Variants in KCNH7 observed in about 807,000 individuals in gnomAD.
The protein encoded by KCNH7 is voltage-gated inwardly rectifying potassium channel KCNH7.
Under a neutral mutation model 120.8 loss-of-function variants are expected in KCNH7, and 49 were observed. The ratio of observed to expected loss-of-function variants is 0.41; its 90% confidence interval spans 0.32 to 0.51. KCNH7 has a LOEUF of 0.51. Ranked by LOEUF, KCNH7 falls within the 20% of genes least tolerant of loss-of-function variation. KCNH7 has a pLI of 0.38. For missense variants in KCNH7, 1,097 were observed against 1,446.6 expected (o/e 0.76, Z 3.92); for synonymous variants, 547 against 516.1 (o/e 1.06, Z -0.81).
At chr2:162,495,920 A>G (rs557497983) in intron 6 of KCNH7, among the ~76,000 whole-genome samples, 5 of 152,300 alleles carry the variant, frequency 3.3e-5, no homozygotes, top group African/African-American at 9.6e-5. Context: ...TAGCAGGGAT[A>G]ACTATAGCCA....
intron 2 of KCNH7, among the ~76,000 whole-genome samples, chr2:162,818,511 G>A (rs1169603863): frequency 6.6e-6 from 1 of 152,038 alleles, no homozygotes; most frequent in Non-Finnish European, 1.5e-5. Context: ...AAAATGAGGT[G>A]CCTTGAGTCT....
At chr2:162,465,214 C>G (rs1467109560) in intron 6 of KCNH7, among the ~76,000 whole-genome samples, 1 of 152,122 alleles carries the variant, frequency 6.6e-6, no homozygotes, top group African/African-American at 2.4e-5. Flanking sequence ...CAAATTATCT[C>G]AAGTAGAAAA....
intron 6 of KCNH7, among the ~76,000 whole-genome samples, chr2:162,487,913 A>G (rs1172703543): frequency 1.3e-5 from 2 of 152,068 alleles, no homozygotes; most frequent in Non-Finnish European, 2.9e-5. Flanking sequence ...CTGCTACGGA[A>G]TTTTTCTGTG....
At chr2:162,519,159 A>C (rs546527895) in intron 3 of KCNH7, among the ~76,000 whole-genome samples, 1 of 151,918 alleles carries the variant, frequency 6.6e-6, no homozygotes, top group South Asian at 2.1e-4. Context: ...CTCTTTGGAA[A>C]GTCTTTGGAC....
Position 162,822,116 on chromosome 2 carries a change from C to T in KCNH7, c.307+14421G>A, listed in dbSNP as rs998994677. ...CCACAATAAAGCCCCTAAAATTTTA[C>T]ATTTTAAATTTTCAAAAACCGCTGC... On this transcript the variant is annotated intron_variant, in intron 2 of 15. Coordinates refer to ENST00000332142, the MANE Select transcript of KCNH7 (RefSeq NM_033272.4). Among the ~76,000 whole-genome samples, 50 of 147,576 alleles carry T rather than the reference C, an allele frequency of 3.4e-4. 5 individuals are homozygous for T. The highest frequency in any genetic ancestry group is 1.2e-3 in the African/African-American group (49 of 40,662).
intron 2 of KCNH7, among the ~76,000 whole-genome samples, chr2:162,820,101 G>A (rs1685059816): frequency 7.0e-6 from 1 of 142,218 alleles, no homozygotes; most frequent in South Asian, 2.3e-4. Flanking sequence ...GTGCAGTGGC[G>A]CTATCTCAGC....
intron 2 of KCNH7, among the ~76,000 whole-genome samples, chr2:162,756,685 G>T (rs1320069168): frequency 2.0e-5 from 3 of 152,028 alleles, no homozygotes; most frequent in African/African-American, 7.2e-5. Context: ...CTAGTCTAAA[G>T]CTCCTGGGCT....
intron 2 of KCNH7, among the ~76,000 whole-genome samples, chr2:162,806,937 G>A (rs1408453543): frequency 6.6e-6 from 1 of 151,808 alleles, no homozygotes; most frequent in African/African-American, 2.4e-5. Context: ...CATAATCTAT[G>A]CATTTAAACA....
At position 162,592,291 on chromosome 2, in the gene KCNH7, G is replaced by C. The variant is rs1420824531; in HGVS notation, c.308-55211C>G. Among the ~76,000 whole-genome samples the C allele has an allele frequency of 2.6e-5, 4 of 152,038 alleles. No individual in the cohort carries two copies. In the East Asian group the frequency reaches 7.7e-4, roughly 29 times the overall value. On this transcript the variant is annotated intron_variant, in intron 2 of 15. Coordinates refer to ENST00000332142, the MANE Select transcript of KCNH7 (RefSeq NM_033272.4). ...ATATTAAGGCAAGGAGGCTGATATGGTTGTAAGTATTTAATATATCGCCAA... is the reference window on the plus strand; with the variant it reads ...ATATTAAGGCAAGGAGGCTGATATGCTTGTAAGTATTTAATATATCGCCAA...
At chr2:162,435,869 A>C (rs973937564) in intron 7 of KCNH7, among the ~76,000 whole-genome samples, 6 of 152,122 alleles carry the variant, frequency 3.9e-5, no homozygotes, top group African/African-American at 1.4e-4. Flanking sequence ...AGTGCCTTGC[A>C]TAAGTCCTCA....
At chr2:162,774,510 A>G (rs1037065790) in intron 2 of KCNH7, among the ~76,000 whole-genome samples, 21 of 152,120 alleles carry the variant, frequency 1.4e-4, no homozygotes, top group African/African-American at 5.1e-4. Flanking sequence ...AGGGTGGGTA[A>G]CTGTAGGTTT....
intron 2 of KCNH7, among the ~76,000 whole-genome samples, chr2:162,702,114 A>T (rs1051245098): frequency 4.6e-5 from 7 of 152,118 alleles, no homozygotes; most frequent in African/African-American, 9.7e-5. Flanking sequence ...GGAGAAAAAA[A>T]TTTTTTCAAA....
intron 6 of KCNH7, among the ~76,000 whole-genome samples, chr2:162,457,235 A>G (rs1376810048): frequency 6.6e-6 from 1 of 152,176 alleles, no homozygotes; most frequent in Non-Finnish European, 1.5e-5. Flanking sequence ...TTTCCTTAAG[A>G]AAGCCAACTT....
intron 2 of KCNH7, among the ~76,000 whole-genome samples, chr2:162,635,277 T>G (rs1287356436): frequency 6.6e-6 from 1 of 152,108 alleles, no homozygotes; most frequent in Non-Finnish European, 1.5e-5. Flanking sequence ...GTTTGTCTCC[T>G]TAAGTTTTTC....
intron 2 of KCNH7, among the ~76,000 whole-genome samples, chr2:162,565,119 C>T (rs931531641): frequency 6.6e-6 from 1 of 152,040 alleles, no homozygotes; most frequent in African/African-American, 2.4e-5. Flanking sequence ...GCTGGGCTGG[C>T]AAAATGCCTG....
intron 2 of KCNH7, among the ~76,000 whole-genome samples, chr2:162,706,577 A>C (rs1686708986): frequency 6.6e-6 from 1 of 152,078 alleles, no homozygotes. Context: ...TTTTACTCTT[A>C]ATACCCTACC....
chr2:162,479,186 A>C (rs1338679879), intron 6 of KCNH7, among the ~76,000 whole-genome samples: 5 of 149,158 alleles, frequency 3.4e-5, no homozygotes, highest in African/African-American at 4.9e-5. Flanking sequence ...TTTTTTTTTC[A>C]AAAAAAGTCA....
Position 162,372,074 on chromosome 2 carries a change from C to T in KCNH7, c.3346G>A (p.Glu1116Lys). ...TCTTTGGATTTAAGTTTAGATTTTT[C>T]AAGGTCTAGAAATTCAGGACACTGA... is the stretch of plus-strand genomic sequence containing the variant. ...SSQCPEFLDL[E>K]KSKLKSKESL... Residue 1116 changes from glutamate to lysine, a missense_variant, in exon 16 of 16, where the codon GAA becomes AAA. By Grantham distance (56) the Glu-to-Lys change is moderately conservative. Around this residue, in one of 8 missense-constraint regions of KCNH7, gnomAD observed 406 missense variants for 410.5 expected, o/e 0.99. Coordinates refer to ENST00000332142, the MANE Select transcript of KCNH7 (RefSeq NM_033272.4). The T allele has an allele frequency of 1.2e-6, 2 of 1,612,648 alleles. No homozygotes were observed. Among genetic ancestry groups the T allele is most frequent in the Non-Finnish European group, 1.7e-6 (2 of 1,178,944 alleles).
At chr2:162,522,191 T>C (rs1016235333) in intron 3 of KCNH7, among the ~76,000 whole-genome samples, 6 of 151,924 alleles carry the variant, frequency 3.9e-5, no homozygotes, top group Non-Finnish European at 2.9e-5. Context: ...ATTTGATTAG[T>C]CTTTAATGCA....
Sources: gnomAD v4.1 joint callset for allele counts (sites outside exome capture counted in the v4.1 genomes callset) on GRCh38, gnomAD v4.1.1 for gene constraint, gnomAD v4.1.1 regional missense constraint, MANE v1.5 for transcripts, NCBI Gene and HGNC (gene_info 2026-07-23, HGNC 2026-07-21) for gene names.